Variants in HSDL1 observed in about 807,000 individuals in gnomAD.
HSDL1 encodes the protein hydroxysteroid dehydrogenase like 1.
Under a neutral mutation model 31.5 loss-of-function variants are expected in HSDL1, and 29 were observed. That is an observed-to-expected ratio of 0.92 (90% CI 0.69 to 1.26). The LOEUF (loss-of-function observed/expected upper bound fraction) is 1.26. Ranked by LOEUF, HSDL1 falls within the 50% of genes most tolerant of loss-of-function variation. HSDL1 has a pLI of 0.00. For synonymous variants in HSDL1, 222 were observed against 155.2 expected (o/e 1.43, Z -3.20); for missense variants, 503 against 416.6 (o/e 1.21, Z -1.81).
chr16:84,133,943 G>T (rs1375911551), intron 2 of HSDL1, among the ~76,000 whole-genome samples: 1 of 152,042 alleles, frequency 6.6e-6, no homozygotes, highest in African/African-American at 2.4e-5. Flanking sequence ...GCTCCTTTGG[G>T]GTAATTTTTC....
chr16:84,136,418 C>G (rs1045420643), intron 1 of HSDL1, among the ~76,000 whole-genome samples: 6 of 152,276 alleles, frequency 3.9e-5, no homozygotes, highest in Non-Finnish European at 8.8e-5. Flanking sequence ...CTCTCTGTTT[C>G]TCCAGCACCT....
chr16:84,141,807 C>G (rs1169811450), intron 1 of HSDL1, among the ~76,000 whole-genome samples: 6 of 152,142 alleles, frequency 3.9e-5, no homozygotes, highest in African/African-American at 1.4e-4. Flanking sequence ...TATGAAATGC[C>G]CGTTCCTATC....
At chr16:84,141,053 A>C (rs1208988730) in intron 1 of HSDL1, among the ~76,000 whole-genome samples, 1 of 150,266 alleles carries the variant, frequency 6.7e-6, no homozygotes, top group Non-Finnish European at 1.5e-5. Flanking sequence ...ATCGCGCCAC[A>C]GCACTCCCGC....
intron 2 of HSDL1, among the ~76,000 whole-genome samples, chr16:84,131,890 A>T (rs1194099360): frequency 1.3e-5 from 2 of 152,224 alleles, no homozygotes; most frequent in African/African-American, 4.8e-5. Flanking sequence ...CGCGTTAGCC[A>T]GGATGGTCTC....
At chr16:84,138,805 G>A (rs1048427696) in intron 1 of HSDL1, among the ~76,000 whole-genome samples, 2 of 152,094 alleles carry the variant, frequency 1.3e-5, no homozygotes, top group Admixed American at 6.5e-5. Flanking sequence ...AAACCTACAG[G>A]AAACGTTACA....
rs1341423025 is a variant in HSDL1 at position 84,124,364 on chromosome 16, G to GT, written c.*265dup. 3.9e-5 allele frequency: 11 copies of GT among 280,688 alleles called. No individual in the cohort carries two copies. Among genetic ancestry groups the GT allele is most frequent in the Admixed American group, 2.3e-4 (5 of 21,368 alleles). 17.4% of individuals were successfully genotyped at this position (280,688 alleles called of 1,614,324 possible). On this transcript the variant is annotated 3_prime_UTR_variant, in exon 6 of 6. Transcript: ENST00000219439. ...TGTGGCTCTAGAACAACAGAAAAGCGTAACTTTCAAACAGCTTAGGGAAAA... is the reference window on the plus strand; with the variant it reads ...TGTGGCTCTAGAACAACAGAAAAGCGTTAACTTTCAAACAGCTTAGGGAAAA...
intron 2 of HSDL1, among the ~76,000 whole-genome samples, chr16:84,133,886 C>A (rs1480812285): frequency 6.6e-6 from 1 of 152,170 alleles, no homozygotes; most frequent in East Asian, 1.9e-4. Flanking sequence ...TTAAATTTGA[C>A]TAAGTACATA....
intron 1 of HSDL1, among the ~76,000 whole-genome samples, chr16:84,142,723 G>A (rs373761213): frequency 1.2e-4 from 18 of 152,142 alleles, no homozygotes; most frequent in Non-Finnish European, 1.8e-4. Context: ...GGATGTGACC[G>A]GCCGGATCTC....
chr16:84,142,019 C>A (rs1370128471), intron 1 of HSDL1, among the ~76,000 whole-genome samples: 1 of 152,184 alleles, frequency 6.6e-6, no homozygotes, highest in Non-Finnish European at 1.5e-5. Context: ...CCTCCGCCTT[C>A]CGGGCTCAAG....
At chr16:84,137,337 A>T (rs904288691) in intron 1 of HSDL1, among the ~76,000 whole-genome samples, 2 of 152,238 alleles carry the variant, frequency 1.3e-5, no homozygotes, top group Admixed American at 6.5e-5. Flanking sequence ...CCGCATGCAC[A>T]GCACAGGCTG....
chr16:84,131,938 C>A (rs1233294019), intron 2 of HSDL1, among the ~76,000 whole-genome samples: 1 of 152,204 alleles, frequency 6.6e-6, no homozygotes, highest in African/African-American at 2.4e-5. Flanking sequence ...CCCTTGGCCT[C>A]CCAAAGTGCT....
At position 84,130,286 on chromosome 16, in the gene HSDL1, TATA is replaced by T; in HGVS notation, c.363_365del (p.Ile122del). On this transcript the variant is annotated inframe_deletion, in exon 4 of 6. Transcript: ENST00000219439. ...CACGACCGCTGCTGAAGTCCGCAAC[TATA>T]ATATCAGTTTCCACTTTGTACGTGT... 1.9e-6 allele frequency: 3 copies of T among 1,614,238 alleles called. No homozygotes were observed. Among genetic ancestry groups the T allele is most frequent in the Non-Finnish European group, 2.5e-6 (3 of 1,180,046 alleles).
intron 1 of HSDL1, among the ~76,000 whole-genome samples, chr16:84,141,989 A>C (rs2086773401): frequency 6.6e-6 from 1 of 152,214 alleles, no homozygotes; most frequent in Non-Finnish European, 1.5e-5. Flanking sequence ...GTGCAGTGGC[A>C]TGATCACAGC....
intron 5 of HSDL1, among the ~76,000 whole-genome samples, chr16:84,127,969 T>G (rs1186401102): frequency 6.7e-6 from 1 of 149,382 alleles, no homozygotes; most frequent in East Asian, 2.1e-4. Context: ...TCCGCCCGCC[T>G]TGGCCTCCCA....
chr16:84,125,484 C>A lies in HSDL1; in HGVS notation c.895-756G>T, dbSNP rs556139405. Among the ~76,000 whole-genome samples the A allele has an allele frequency of 2.0e-5, 3 of 151,810 alleles. No individual in the cohort carries two copies. The East Asian group carries it at 5.8e-4, about 30-fold the overall frequency. On this transcript the variant is annotated intron_variant, in intron 5 of 5. Coordinates refer to ENST00000219439, the MANE Select transcript of HSDL1 (RefSeq NM_031463.5). ...CCAATCAATCACAATAAATACCCAC[C>A]AATCGATCCCAACAAATACCCACCA...
intron 1 of HSDL1, among the ~76,000 whole-genome samples, chr16:84,142,657 G>T (rs1223358720): frequency 6.6e-6 from 1 of 151,720 alleles, no homozygotes; most frequent in Non-Finnish European, 1.5e-5. Flanking sequence ...TATTGGCCAG[G>T]CTGGTCTTGA....
At chr16:84,135,848 G>C (rs527472660) in intron 1 of HSDL1, among the ~76,000 whole-genome samples, 1 of 152,350 alleles carries the variant, frequency 6.6e-6, no homozygotes, top group East Asian at 1.9e-4. Context: ...CACAGCTGGA[G>C]GGTGCCCCCT....
intron 1 of HSDL1, among the ~76,000 whole-genome samples, chr16:84,141,475 A>C (rs1443614433): frequency 6.6e-6 from 1 of 152,268 alleles, no homozygotes; most frequent in African/African-American, 2.4e-5. Flanking sequence ...AGTTAGGAAC[A>C]GTGCTGCAGG....
chr16:84,142,791 A>T (rs1434541723), intron 1 of HSDL1, among the ~76,000 whole-genome samples: 2 of 152,148 alleles, frequency 1.3e-5, no homozygotes, highest in African/African-American at 4.8e-5. Flanking sequence ...AACTTTATTT[A>T]ATAAACAGAA....
Sources: gnomAD v4.1 joint callset for allele counts (sites outside exome capture counted in the v4.1 genomes callset) on GRCh38, gnomAD v4.1.1 for gene constraint, MANE v1.5 for transcripts, NCBI Gene and HGNC (gene_info 2026-07-23, HGNC 2026-07-21) for gene names.